Variants in ENPP6 observed in about 807,000 individuals in gnomAD.
ENPP6 encodes ectonucleotide pyrophosphatase/phosphodiesterase 6.
ENPP6 carries 32 observed loss-of-function variants against 42.0 expected under a neutral mutation model. The ratio of observed to expected loss-of-function variants is 0.76; its 90% CI spans 0.58 to 1.02. The LOEUF is 1.02. Among genes scored for constraint, ENPP6 ranks in the 50% least tolerant of loss-of-function variants. The pLI is 0.00. For missense variants in ENPP6, 552 were observed against 566.8 expected (o/e 0.97, Z 0.27); for synonymous variants, 213 against 216.0 (o/e 0.99, Z 0.12).
intron 2 of ENPP6, among the ~76,000 whole-genome samples, chr4:184,144,317 G>T (rs929516937): frequency 2.6e-5 from 4 of 152,184 alleles, no homozygotes; most frequent in African/African-American, 9.6e-5. Flanking sequence ...GAGTTGGGCT[G>T]GCACAGCTGG....
chr4:184,168,671 C>T (rs2111090303), intron 1 of ENPP6, among the ~76,000 whole-genome samples: 2 of 152,326 alleles, frequency 1.3e-5, no homozygotes, highest in Middle Eastern at 3.4e-3. Flanking sequence ...CCAGGCTGGG[C>T]CAGCCTTGAA....
chr4:184,188,341 C>T (rs764953653), intron 1 of ENPP6, among the ~76,000 whole-genome samples: 1 of 151,054 alleles, frequency 6.6e-6, no homozygotes, highest in Non-Finnish European at 1.5e-5. Context: ...ATGTTGTTAA[C>T]CCAATTCCTT....
At position 184,131,139 on chromosome 4, in the gene ENPP6, TAC is replaced by T. The variant is rs201455815; in HGVS notation, c.422-6869_422-6868del. Among the ~76,000 whole-genome samples, 257 of 134,672 alleles carry T rather than the reference TAC, an allele frequency of 1.9e-3. 3 individuals carry two copies. Among genetic ancestry groups the T allele is most frequent in the African/African-American group, 8.3e-3 (234 of 28,214 alleles). The allele number at this position is 134,672 out of a possible 152,430, so 88.4% of individuals were successfully genotyped here. A position where few individuals can be genotyped will look rare whatever the true frequency, so the allele number is the denominator to read the frequency against. ...GTTTCAACTTGCTTCCACCAGCACT[TAC>T]TTTCTTTCTTTCTTTCTTTCTTTCT... is the stretch of plus-strand genomic sequence containing the variant. On this transcript the variant is annotated intron_variant, in intron 2 of 7. Transcript: ENST00000296741.
intron 2 of ENPP6, among the ~76,000 whole-genome samples, chr4:184,140,315 C>T (rs1361709474): frequency 2.0e-5 from 3 of 151,390 alleles, no homozygotes; most frequent in Non-Finnish European, 4.4e-5. Flanking sequence ...CCATACTGCC[C>T]AAGGTAATTT....
intron 2 of ENPP6, among the ~76,000 whole-genome samples, chr4:184,131,141 C>CTTTCTTTCTTTCTTTCTT: frequency 7.6e-5 from 1 of 13,100 alleles, no homozygotes; most frequent in African/African-American, 3.4e-4. Context: ...CCAGCACTTA[C>CTTTCTTTCTTTCTTTCTT]TTTCTTTCTT....
At chr4:184,119,196 T>C (rs1047327502) in intron 3 of ENPP6, among the ~76,000 whole-genome samples, 2 of 152,066 alleles carry the variant, frequency 1.3e-5, no homozygotes, top group African/African-American at 4.8e-5. Context: ...TGAAAATTAT[T>C]TTTGTCTGAT....
chr4:184,152,968 C>A (rs1282148174), intron 2 of ENPP6, among the ~76,000 whole-genome samples: 2 of 150,168 alleles, frequency 1.3e-5, no homozygotes, highest in Non-Finnish European at 3.0e-5. Context: ...TATAATTTCT[C>A]TCTCCTGTAT....
chr4:184,197,505 G>A (rs1732821097), intron 1 of ENPP6, among the ~76,000 whole-genome samples: 1 of 152,226 alleles, frequency 6.6e-6, no homozygotes, highest in African/African-American at 2.4e-5. Flanking sequence ...TCATCTAAGG[G>A]ATGCCAGATG....
At chr4:184,197,870 C>T (rs1201804658) in intron 1 of ENPP6, among the ~76,000 whole-genome samples, 1 of 152,158 alleles carries the variant, frequency 6.6e-6, no homozygotes. Flanking sequence ...ATGGGCCAGA[C>T]TGGGAGTAAC....
chr4:184,166,287 A>T (rs1036265567), intron 1 of ENPP6, among the ~76,000 whole-genome samples: 1 of 152,216 alleles, frequency 6.6e-6, no homozygotes, highest in South Asian at 2.1e-4. Flanking sequence ...ATGGGCTTTG[A>T]TTATAGTGTG....
chr4:184,208,617 C>T (rs1733045337), intron 1 of ENPP6, among the ~76,000 whole-genome samples: 1 of 150,720 alleles, frequency 6.6e-6, no homozygotes, highest in East Asian at 2.0e-4. Context: ...TGATTGCTAG[C>T]ACAGCGGTCT....
At chr4:184,193,251 G>A (rs1294969655) in intron 1 of ENPP6, among the ~76,000 whole-genome samples, 1 of 152,182 alleles carries the variant, frequency 6.6e-6, no homozygotes, top group Non-Finnish European at 1.5e-5. Flanking sequence ...TCATCGATTG[G>A]TGAATGAATA....
At chr4:184,190,454 G>A (rs916724141) in intron 1 of ENPP6, among the ~76,000 whole-genome samples, 13 of 152,132 alleles carry the variant, frequency 8.5e-5, no homozygotes, top group African/African-American at 2.9e-4. Flanking sequence ...ATTTTCATTT[G>A]GATGTTTCAT....
chr4:184,186,126 G>T (rs778992175), intron 1 of ENPP6, among the ~76,000 whole-genome samples: 4 of 152,088 alleles, frequency 2.6e-5, no homozygotes, highest in Non-Finnish European at 5.9e-5. Context: ...TTGATAAAGC[G>T]TACATAGATA....
intron 1 of ENPP6, among the ~76,000 whole-genome samples, chr4:184,202,943 C>G (rs1436920196): frequency 6.6e-6 from 1 of 152,202 alleles, no homozygotes; most frequent in East Asian, 1.9e-4. Flanking sequence ...CTACATTCTA[C>G]TGATAAAATA....
intron 1 of ENPP6, among the ~76,000 whole-genome samples, chr4:184,174,283 G>A (rs2111095168): frequency 6.6e-6 from 1 of 151,950 alleles, no homozygotes; most frequent in South Asian, 2.1e-4. Context: ...GATTACAGGT[G>A]CCCGCCACCA....
intron 5 of ENPP6, among the ~76,000 whole-genome samples, chr4:184,113,938 T>C (rs1222407949): frequency 6.7e-6 from 1 of 148,562 alleles, no homozygotes; most frequent in Admixed American, 6.8e-5. Context: ...TTTCTTTCTT[T>C]CTTTCTTTCT....
intron 2 of ENPP6, among the ~76,000 whole-genome samples, chr4:184,125,492 G>C (rs1736488593): frequency 6.6e-6 from 1 of 152,200 alleles, no homozygotes; most frequent in African/African-American, 2.4e-5. Context: ...GGGGCAGAGG[G>C]AGCGCAGGAG....
intron 1 of ENPP6, among the ~76,000 whole-genome samples, chr4:184,172,965 G>A (rs1488576470): frequency 6.6e-6 from 1 of 152,136 alleles, no homozygotes; most frequent in Non-Finnish European, 1.5e-5. Flanking sequence ...CCAGGCTGGA[G>A]TGCAGTAGCG....
Sources: gnomAD v4.1 joint callset for allele counts (sites outside exome capture counted in the v4.1 genomes callset) on GRCh38, gnomAD v4.1.1 for gene constraint, MANE v1.5 for transcripts, NCBI Gene and HGNC (gene_info 2026-07-23, HGNC 2026-07-21) for gene names.